The following PDHX variants were observed in gnomAD, a reference collection of about 807,000 sequenced individuals.
PDHX encodes pyruvate dehydrogenase complex component X.
PDHX carries 33 observed loss-of-function variants against 55.3 expected under a neutral mutation model. That is an observed-to-expected ratio of 0.60 (90% CI 0.45 to 0.80). The LOEUF is 0.80. PDHX is among the 30% of genes least tolerant of loss of function. The probability of loss-of-function intolerance (pLI) is 0.00; values close to 1 mark genes in which losing one functional copy is unlikely to be tolerated. For missense variants in PDHX, 622 were observed against 619.9 expected, an observed-to-expected ratio of 1.00 and a Z score of -0.04; for synonymous variants, 226 against 219.4, an observed-to-expected ratio of 1.03 and a Z score of -0.27.
At chr11:34,920,170 T>G (rs553868234) in intron 1 of PDHX, among the ~76,000 whole-genome samples, 2 of 152,340 alleles carry the variant, frequency 1.3e-5, no homozygotes, top group Admixed American at 1.3e-4. Flanking sequence ...TTTTTCAACC[T>G]ACTCTAGACA....
At chr11:34,991,208 T>C (rs1309477355) in intron 9 of PDHX, among the ~76,000 whole-genome samples, 1 of 152,194 alleles carries the variant, frequency 6.6e-6, no homozygotes, top group Non-Finnish European at 1.5e-5. Flanking sequence ...CATCCTTATA[T>C]TCCTTGTGGC....
intron 3 of PDHX, among the ~76,000 whole-genome samples, chr11:34,953,534 A>T (rs544715318): frequency 6.6e-6 from 1 of 152,348 alleles, no homozygotes; most frequent in South Asian, 2.1e-4. Flanking sequence ...GTGAGGAAAG[A>T]TAGTTTATAT....
rs188025361 is a variant in PDHX at position 34,960,161 on chromosome 11, T to C, written c.543-259T>C. 9.2e-5 allele frequency among the ~76,000 whole-genome samples: 14 copies of C among 152,324 alleles called. No homozygotes were observed. The East Asian group carries it at 2.3e-3, about 25-fold the overall frequency. On this transcript the variant is annotated intron_variant, in intron 4 of 10. Coordinates refer to ENST00000227868, the MANE Select transcript of PDHX (RefSeq NM_003477.3). ...CCCATGTGAAAGTAATTAGTTGAAA[T>C]AGCAGCTCTTTCCCCTAATTAATAT...
intron 9 of PDHX, among the ~76,000 whole-genome samples, chr11:34,985,849 T>A (rs1223203667): frequency 6.6e-6 from 1 of 152,220 alleles, no homozygotes; most frequent in Non-Finnish European, 1.5e-5. Context: ...TGCAAGTTAA[T>A]CTGGTTTTAA....
chr11:34,916,882 A>T, intron 1 of PDHX, 67 bp downstream of exon 1: 7 of 1,417,542 alleles, frequency 4.9e-6, no homozygotes, highest in Non-Finnish European at 6.8e-6. Context: ...AGGGGCAGTT[A>T]TGATTGAGGG....
At chr11:34,937,443 T>C (rs1399798702) in intron 2 of PDHX, among the ~76,000 whole-genome samples, 2 of 6,022 alleles carry the variant, frequency 3.3e-4, no homozygotes, top group African/African-American at 1.2e-3. Context: ...AGTTGCTGAC[T>C]TTTTTTTTTT....
At chr11:34,992,561 G>A (rs1855777243) in intron 10 of PDHX, among the ~76,000 whole-genome samples, 182 bp downstream of exon 10, 1 of 152,152 alleles carries the variant, frequency 6.6e-6, no homozygotes, top group African/African-American at 2.4e-5. Flanking sequence ...ATTAAAGCTA[G>A]TAGGAACCTA....
rs147276377 is a variant in PDHX, at chr11:34,967,524, T to C, written c.816+710T>C. On this transcript the variant is annotated intron_variant, in intron 6 of 10. Coordinates refer to ENST00000227868, the MANE Select transcript of PDHX (RefSeq NM_003477.3). ...TACTTTTTAACTAGGGAATTGATAATCTCACTATGAAGAACTATGTAGCTA... is the reference window on the plus strand; with the variant it reads ...TACTTTTTAACTAGGGAATTGATAACCTCACTATGAAGAACTATGTAGCTA... Among the ~76,000 whole-genome samples, 1,007 of 152,346 alleles carry C rather than the reference T, an allele frequency of 6.6e-3. 10 individuals are homozygous for C. The highest frequency in any genetic ancestry group is 0.023 in the African/African-American group (977 of 41,586).
intron 2 of PDHX, among the ~76,000 whole-genome samples, chr11:34,935,957 A>G (rs1424643825): frequency 1.3e-5 from 2 of 152,158 alleles, no homozygotes; most frequent in Non-Finnish European, 2.9e-5. Flanking sequence ...AAATAGTATC[A>G]AAAGAGTTTA....
intron 4 of PDHX, among the ~76,000 whole-genome samples, chr11:34,958,995 T>G (rs17435469): frequency 0.075 from 11,475 of 152,190 alleles, 448 homozygotes; most frequent in African/African-American, 0.092. Context: ...TCAGAGTTAT[T>G]TAATACTTCC....
chr11:34,937,405 C>CA (rs2133952549), intron 2 of PDHX, among the ~76,000 whole-genome samples: 1 of 150,636 alleles, frequency 6.6e-6, no homozygotes, highest in Admixed American at 6.6e-5. Flanking sequence ...AGGCCATGTG[C>CA]ACCACTAGGG....
At chr11:34,990,765 C>G (rs1855739041) in intron 9 of PDHX, among the ~76,000 whole-genome samples, 1 of 152,130 alleles carries the variant, frequency 6.6e-6, no homozygotes, top group African/African-American at 2.4e-5. Context: ...AAATAGCATA[C>G]ACCTGTAATT....
At chr11:34,925,480 T>C (rs1201800763) in intron 1 of PDHX, among the ~76,000 whole-genome samples, 1 of 152,234 alleles carries the variant, frequency 6.6e-6, no homozygotes, top group Admixed American at 6.5e-5. Context: ...CTCTGTGTCC[T>C]TGTGGGTTTC....
chr11:34,992,164 TTATAA>T (rs1855770067), intron 9 of PDHX, 146 bp from the exon 10 acceptor site: 1 of 584,480 alleles, frequency 1.7e-6, no homozygotes, highest in African/African-American at 1.9e-5. Flanking sequence ...TTGTTTGTTC[TTATAA>T]TTAGAGAAAA....
At chr11:34,967,263 C>T (rs1855157949) in intron 6 of PDHX, among the ~76,000 whole-genome samples, 1 of 152,146 alleles carries the variant, frequency 6.6e-6, no homozygotes, top group Admixed American at 6.5e-5. Context: ...TCAATAGTAG[C>T]TAAGTGATAA....
Position 34,931,480 on chromosome 11 carries a change from G to T in PDHX, c.237G>T (p.Lys79Asn). The part of the protein sequence containing the change: ...EEGNIVKWLK[K>N]EGEAVSAGDA... ...GAAACATTGTGAAATGGCTGAAAAA[G>T]GAAGGTGAGGAGGTACCTTCCTAAT... is the stretch of plus-strand genomic sequence containing the variant. The change falls in exon 2 of 11, where the codon AAG (lysine) becomes AAT (asparagine). Residue 79 changes from lysine (K) to asparagine (N), a missense_variant. Physicochemically the swap from Lys to Asn is moderately conservative, Grantham distance 94 (BLOSUM62 0). Transcript: ENST00000227868. The T allele has an allele frequency of 2.5e-6, 4 of 1,577,198 alleles. No individual in the cohort carries two copies. The highest frequency in any genetic ancestry group is 3.5e-6 in the Non-Finnish European group (4 of 1,148,280).
chr11:34,984,842 G>A, intron 9 of PDHX, 114 bp downstream of exon 9: 1 of 991,608 alleles, frequency 1.0e-6, no homozygotes, highest in Non-Finnish European at 1.6e-6. Context: ...TGTGTGTGAA[G>A]GGGAGAGTTA....
At chr11:34,927,776 C>T (rs1854058262) in intron 1 of PDHX, among the ~76,000 whole-genome samples, 2 of 152,134 alleles carry the variant, frequency 1.3e-5, no homozygotes, top group South Asian at 4.1e-4. Context: ...ATTTAACTCT[C>T]CGTAATAAGC....
intron 10 of PDHX, 125 bp downstream of exon 10, chr11:34,992,504 G>C (rs1318508642): frequency 3.2e-6 from 2 of 622,812 alleles, no homozygotes; most frequent in Non-Finnish European, 5.7e-6. Context: ...ACTTTATTTA[G>C]ACAATAGAAT....
Sources: allele counts gnomAD v4.1 joint callset (sites outside exome capture counted in the v4.1 genomes callset), GRCh38; gene constraint gnomAD v4.1.1; transcripts MANE v1.5; gene names NCBI Gene and HGNC (gene_info 2026-07-23, HGNC 2026-07-21).